MACROD2: variants seen among roughly 807,000 people sequenced by gnomAD.
MACROD2 encodes the protein ADP-ribose glycohydrolase MACROD2.
Under a neutral mutation model 70.4 loss-of-function variants are expected in MACROD2, and 36 were observed. The observed-to-expected ratio is 0.51, with a 90% CI of 0.39 to 0.68. MACROD2 has a LOEUF of 0.68. MACROD2 is among the 30% of genes least tolerant of loss of function. The pLI is 0.00. For synonymous variants in MACROD2, 172 were observed against 178.8 expected (o/e 0.96, Z 0.30); for missense variants, 496 against 538.4 (o/e 0.92, Z 0.78).
At chr20:14,589,820 T>C (rs1024528139) in intron 4 of MACROD2, among the ~76,000 whole-genome samples, 4 of 152,184 alleles carry the variant, frequency 2.6e-5, no homozygotes, top group Non-Finnish European at 5.9e-5. Flanking sequence ...TACATCTGTG[T>C]GCAGTTCACT....
intron 2 of MACROD2, among the ~76,000 whole-genome samples, chr20:14,043,400 T>G (rs1008383535): frequency 6.6e-6 from 1 of 152,228 alleles, no homozygotes; most frequent in African/African-American, 2.4e-5. Context: ...GGGCAAGGTA[T>G]AGGAAGGGGC....
intron 3 of MACROD2, among the ~76,000 whole-genome samples, chr20:14,403,399 T>A (rs150025424): frequency 1.6e-3 from 239 of 152,326 alleles, no homozygotes; most frequent in African/African-American, 5.6e-3. Flanking sequence ...TTTGGTTGGC[T>A]TTATTTTAAA....
chr20:15,019,635 TACTA>T (rs2075149056), intron 5 of MACROD2, among the ~76,000 whole-genome samples: 1 of 152,186 alleles, frequency 6.6e-6, no homozygotes, highest in African/African-American at 2.4e-5. Context: ...GTCCAGATCA[TACTA>T]ACTGTGTCTT....
At chr20:15,620,634 T>C (rs1483433133) in intron 8 of MACROD2, among the ~76,000 whole-genome samples, 1 of 152,194 alleles carries the variant, frequency 6.6e-6, no homozygotes, top group Non-Finnish European at 1.5e-5. Flanking sequence ...AGACTATTCA[T>C]GTAATTTATT....
chr20:14,410,762 A>T (rs758568431), intron 3 of MACROD2, among the ~76,000 whole-genome samples: 3 of 152,190 alleles, frequency 2.0e-5, no homozygotes, highest in Non-Finnish European at 2.9e-5. Flanking sequence ...CTGTTTAATA[A>T]TAAACACTTT....
chr20:15,601,169 C>A (rs1178600197), intron 8 of MACROD2, among the ~76,000 whole-genome samples: 1 of 152,182 alleles, frequency 6.6e-6, no homozygotes, highest in Non-Finnish European at 1.5e-5. Context: ...ACTACTGACT[C>A]CCTCAGCCTC....
intron 8 of MACROD2, among the ~76,000 whole-genome samples, chr20:15,567,005 T>C (rs1489196572): frequency 6.6e-6 from 1 of 152,136 alleles, no homozygotes; most frequent in African/African-American, 2.4e-5. Flanking sequence ...CAGATCTTTT[T>C]TTTAATGTTT....
chr20:14,228,587 A>G (rs976172747), intron 3 of MACROD2, among the ~76,000 whole-genome samples: 6 of 152,230 alleles, frequency 3.9e-5, no homozygotes, highest in Non-Finnish European at 5.9e-5. Context: ...AATTGCTTAC[A>G]TAAGTTAGAT....
chr20:14,756,160 T>C (rs1381636017), intron 5 of MACROD2, among the ~76,000 whole-genome samples: 5 of 152,144 alleles, frequency 3.3e-5, no homozygotes, highest in African/African-American at 1.2e-4. Flanking sequence ...GTCTCACCAT[T>C]GCTTACTAAA....
At chr20:14,622,363 A>T (rs567360211) in intron 4 of MACROD2, among the ~76,000 whole-genome samples, 36 of 151,434 alleles carry the variant, frequency 2.4e-4, no homozygotes, top group Middle Eastern at 3.4e-3. Context: ...ACACCTTTTT[A>T]AAAAAAAATG....
At chr20:15,340,645 C>G (rs1455176640) in intron 6 of MACROD2, among the ~76,000 whole-genome samples, 3 of 152,134 alleles carry the variant, frequency 2.0e-5, no homozygotes, top group Non-Finnish European at 4.4e-5. Context: ...CTATCCCCAG[C>G]TTACTATGGA....
At position 15,038,689 on chromosome 20, in the gene MACROD2, T is replaced by C. The variant is rs771829693; in HGVS notation, c.419-191251T>C. ...TAAGGGGTGACGTTCAATGTGCTCA[T>C]GAGGACGAGGTCAGGCCTGGCCCAA... On this transcript the variant is annotated intron_variant, in intron 5 of 17. Coordinates refer to ENST00000684519, the MANE Select transcript of MACROD2 (RefSeq NM_001351661.2). Among the ~76,000 whole-genome samples, 3 of 152,138 alleles carry C rather than the reference T, an allele frequency of 2.0e-5. No individual in the cohort carries two copies. In the East Asian group the frequency reaches 5.8e-4, roughly 29 times the overall value.
At chr20:15,674,791 C>A (rs1011247741) in intron 8 of MACROD2, among the ~76,000 whole-genome samples, 1 of 151,132 alleles carries the variant, frequency 6.6e-6, no homozygotes, top group African/African-American at 2.4e-5. Context: ...TATGAGGTAT[C>A]AGGGATAAAA....
rs570252031 is a variant in MACROD2, at chr20:14,257,649, A to T, written c.271+171921A>T. 3.3e-5 allele frequency among the ~76,000 whole-genome samples: 5 copies of T among 152,332 alleles called. No homozygotes were observed. The South Asian group carries it at 1.0e-3, about 32-fold the overall frequency. ...AGATTACTTAAAAATATAAAGAGAG[A>T]CAAAATGTATGCATAACTTTTAAAA... On this transcript the variant is annotated intron_variant, in intron 3 of 17. Coordinates refer to ENST00000684519, the MANE Select transcript of MACROD2 (RefSeq NM_001351661.2).
At chr20:15,134,075 T>A (rs575048441) in intron 5 of MACROD2, among the ~76,000 whole-genome samples, 1 of 150,348 alleles carries the variant, frequency 6.7e-6, no homozygotes, top group African/African-American at 2.4e-5. Flanking sequence ...CCTGGCTAAT[T>A]TTTTGCATTT....
intron 4 of MACROD2, among the ~76,000 whole-genome samples, chr20:14,567,967 A>C (rs1395610567): frequency 6.6e-6 from 1 of 152,062 alleles, no homozygotes. Flanking sequence ...TCATTCTCCT[A>C]CTATTGGCTT....
intron 5 of MACROD2, among the ~76,000 whole-genome samples, chr20:15,015,868 G>C (rs2075117217): frequency 6.6e-6 from 1 of 152,182 alleles, no homozygotes; most frequent in Non-Finnish European, 1.5e-5. Flanking sequence ...TTTTCCTCTT[G>C]GGTGTCCTTG....
In MACROD2 at chr20:15,615,263, C is replaced by A. The variant is rs1488189610; in HGVS notation, c.645+115416C>A. Among the ~76,000 whole-genome samples, 5 of 152,206 alleles carry A rather than the reference C, an allele frequency of 3.3e-5. No homozygotes were observed. The South Asian group carries it at 1.0e-3, about 32-fold the overall frequency. On this transcript the variant is annotated intron_variant, in intron 8 of 17. Transcript: ENST00000684519. ...ATCCCCAACCTGAGTGAATTCACCC[C>A]CTCTCCATGTGAAGAGAGAGAGAAA...
intron 2 of MACROD2, among the ~76,000 whole-genome samples, chr20:14,021,695 C>A (rs2148624877): frequency 6.6e-6 from 1 of 152,282 alleles, no homozygotes; most frequent in African/African-American, 2.4e-5. Flanking sequence ...TTGGCTAGAA[C>A]TAGGTGATAT....
Sources: gnomAD v4.1 joint callset for allele counts (sites outside exome capture counted in the v4.1 genomes callset) on GRCh38, gnomAD v4.1.1 for gene constraint, MANE v1.5 for transcripts, NCBI Gene and HGNC (gene_info 2026-07-23, HGNC 2026-07-21) for gene names.